Variants in QTMAN observed in about 807,000 individuals in gnomAD.
QTMAN encodes tRNA-queuosine alpha-mannosyltransferase.
chr2:144,023,064 G>C, the QTMAN span, among the ~76,000 whole-genome samples: 3 of 152,014 alleles, frequency 2.0e-5, no homozygotes, highest in African/African-American at 4.8e-5. Context: ...CCTAGTATCT[G>C]AAGTTCGTGA....
the QTMAN span, among the ~76,000 whole-genome samples, chr2:144,286,448 C>G: frequency 6.6e-6 from 1 of 152,188 alleles, no homozygotes; most frequent in Non-Finnish European, 1.5e-5. Flanking sequence ...TGAACCACAG[C>G]TTATAATGCC....
the QTMAN span, among the ~76,000 whole-genome samples, chr2:144,109,450 A>G: frequency 2.0e-5 from 3 of 152,234 alleles, no homozygotes; most frequent in Non-Finnish European, 4.4e-5. Flanking sequence ...ACCCTAGAAG[A>G]AAACCTAGGC....
At chr2:143,999,310 T>A in the QTMAN span, among the ~76,000 whole-genome samples, 1 of 151,838 alleles carries the variant, frequency 6.6e-6, no homozygotes, top group Non-Finnish European at 1.5e-5. Context: ...TCAGGGAAGA[T>A]GTCTGTGGAA....
the QTMAN span, among the ~76,000 whole-genome samples, chr2:144,029,739 C>CT: frequency 1.3e-5 from 2 of 151,700 alleles, no homozygotes; most frequent in East Asian, 1.9e-4. Context: ...GATTGCTTTC[C>CT]TTTTTTTTCA....
the QTMAN span, among the ~76,000 whole-genome samples, chr2:144,058,121 C>T: frequency 1.0e-3 from 138 of 131,966 alleles, 7 homozygotes; most frequent in African/African-American, 4.2e-3. Context: ...ACCCCCCTCC[C>T]CCACCCCGCT....
chr2:144,015,098 G>A, the QTMAN span, among the ~76,000 whole-genome samples: 1 of 151,918 alleles, frequency 6.6e-6, no homozygotes, highest in African/African-American at 2.4e-5. Context: ...TTCCTCCCAC[G>A]CAGAAAATTT....
the QTMAN span, among the ~76,000 whole-genome samples, chr2:144,283,877 A>G: frequency 2.6e-4 from 40 of 152,146 alleles, no homozygotes; most frequent in African/African-American, 9.4e-4. Flanking sequence ...AAATGAAAAA[A>G]ATAAATTTTA....
chr2:144,292,396 C>T, the QTMAN span, among the ~76,000 whole-genome samples: 1 of 152,124 alleles, frequency 6.6e-6, no homozygotes, highest in African/African-American at 2.4e-5. Flanking sequence ...ACTTAAGGCC[C>T]AGCTCAAGTA....
the QTMAN span, among the ~76,000 whole-genome samples, chr2:144,058,133 AACACACACAC>A: frequency 1.2e-3 from 114 of 97,226 alleles, 1 homozygote; most frequent in Middle Eastern, 4.9e-3. Flanking sequence ...CACCCCGCTA[AACACACACAC>A]ACACACACAC....
At chr2:144,324,719 A>G in the QTMAN span, among the ~76,000 whole-genome samples, 1 of 152,334 alleles carries the variant, frequency 6.6e-6, no homozygotes, top group South Asian at 2.1e-4. Context: ...TTAAAGACCA[A>G]GAGGTGAAAA....
At chr2:144,020,554 C>T in the QTMAN span, among the ~76,000 whole-genome samples, 1 of 152,164 alleles carries the variant, frequency 6.6e-6, no homozygotes, top group Non-Finnish European at 1.5e-5. Context: ...ACTAAAAGAG[C>T]ACCCTGTAAC....
chr2:144,230,944 C>T, the QTMAN span, among the ~76,000 whole-genome samples: 1 of 152,052 alleles, frequency 6.6e-6, no homozygotes. Context: ...TTAAAATATG[C>T]AGTGTAAACC....
At chr2:143,952,138 C>A in the QTMAN span, 1 of 897,136 alleles carries the variant, frequency 1.1e-6, no homozygotes, top group South Asian at 1.4e-5. Context: ...CGATATTAGT[C>A]ACTTTACTAA....
chr2:144,141,760 T>C, the QTMAN span: 7 of 681,612 alleles, frequency 1.0e-5, no homozygotes, highest in Non-Finnish European at 1.8e-5. Flanking sequence ...GAGATAGAAC[T>C]TAATTCTCTA....
At chr2:144,312,120 T>C in the QTMAN span, among the ~76,000 whole-genome samples, 1 of 151,962 alleles carries the variant, frequency 6.6e-6, no homozygotes, top group African/African-American at 2.4e-5. Flanking sequence ...GGTCATCAGT[T>C]ACAGCAAGCA....
chr2:144,094,593 C>T, the QTMAN span, among the ~76,000 whole-genome samples: 1 of 152,054 alleles, frequency 6.6e-6, no homozygotes, highest in African/African-American at 2.4e-5. Context: ...CATATATAAC[C>T]ATCAGATCTC....
At chr2:144,048,850 T>C in the QTMAN span, among the ~76,000 whole-genome samples, 1 of 151,992 alleles carries the variant, frequency 6.6e-6, no homozygotes, top group Non-Finnish European at 1.5e-5. Context: ...ACAGAGGTCT[T>C]ATCTGTGATA....
the QTMAN span, among the ~76,000 whole-genome samples, chr2:144,088,422 A>G: frequency 1.3e-5 from 2 of 152,134 alleles, no homozygotes; most frequent in African/African-American, 2.4e-5. Context: ...ATTAAATGCA[A>G]TCCCTATCCA....
the QTMAN span, among the ~76,000 whole-genome samples, chr2:144,008,800 T>C: frequency 1.3e-5 from 2 of 152,078 alleles, no homozygotes; most frequent in Admixed American, 6.6e-5. Flanking sequence ...GCAGAGGTGC[T>C]ACAAAGCAGA....
Sources: gnomAD v4.1 joint callset for allele counts (sites outside exome capture counted in the v4.1 genomes callset) on GRCh38, gnomAD v4.1.1 for gene constraint, MANE v1.5 for transcripts, NCBI Gene and HGNC (gene_info 2026-07-23, HGNC 2026-07-21) for gene names.